KDM4C: variants seen among roughly 807,000 people sequenced by gnomAD.
KDM4C encodes lysine-specific demethylase 4C.
In KDM4C, 81 loss-of-function variants were observed where a neutral mutation model predicts 129.3. The observed-to-expected ratio is 0.63, with a 90% CI of 0.52 to 0.75. The LOEUF is 0.75. Ranked by LOEUF, KDM4C falls within the 30% of genes least tolerant of loss-of-function variation. The pLI, the probability that KDM4C is intolerant of heterozygous loss-of-function variation, is 0.00. For synonymous variants in KDM4C, 573 were observed against 456.1 expected (o/e 1.26, Z -3.26); for missense variants, 1,457 against 1,304.0 (o/e 1.12, Z -1.81).
chr9:6,750,390 G>C (rs1031936624), intron 1 of KDM4C, among the ~76,000 whole-genome samples: 1 of 150,792 alleles, frequency 6.6e-6, no homozygotes, highest in Non-Finnish European at 1.5e-5. Context: ...TGTGAGCCGA[G>C]ATCGTGTCAT....
rs755815590 is a variant in KDM4C at position 6,914,824 on chromosome 9, C to T, written c.921+21592C>T. On this transcript the variant is annotated intron_variant, in intron 8 of 21. Transcript: ENST00000381309. ...ATCTTTGAAGCAGAGCATGGGCCCT[C>T]GCCAGACACCAAATCTGCTGGCACC... Among the ~76,000 whole-genome samples, 3 of 152,358 alleles carry T rather than the reference C, an allele frequency of 2.0e-5. No individual in the cohort carries two copies. In the South Asian group the frequency reaches 6.2e-4, roughly 32 times the overall value.
At chr9:6,727,812 G>T (rs980321605) in intron 1 of KDM4C, among the ~76,000 whole-genome samples, 1 of 148,110 alleles carries the variant, frequency 6.8e-6, no homozygotes, top group Admixed American at 6.9e-5. Flanking sequence ...AGATTTCAGG[G>T]TGTCTTCCAA....
rs752039976 is a variant in KDM4C, at chr9:6,849,498, T to G, written c.436-9T>G. 1.3e-6 allele frequency: 2 copies of G among 1,517,944 alleles called. No individual in the cohort carries two copies. Among genetic ancestry groups the G allele is most frequent in the Admixed American group, 3.9e-5 (2 of 51,642 alleles). The allele number at this position is 1,517,944 out of a possible 1,614,324, so 94.0% of individuals were successfully genotyped here. The stretch of plus-strand genomic sequence containing the variant: ...TGATTTCTCTCTCTTTTTTTCTCTC[T>G]CATTCCAGGGTGTGGATGAATGGAA... On this transcript the variant is annotated splice_polypyrimidine_tract_variant and intron_variant, in intron 4 of 21. Coordinates refer to ENST00000381309, the MANE Select transcript of KDM4C (RefSeq NM_015061.6).
chr9:7,132,867 T>G (rs1337609497), intron 19 of KDM4C, among the ~76,000 whole-genome samples: 2 of 152,190 alleles, frequency 1.3e-5, no homozygotes, highest in Non-Finnish European at 2.9e-5. Flanking sequence ...CCACTGGGCA[T>G]GAGAAGAGAA....
At chr9:6,941,477 A>T (rs1191866682) in intron 8 of KDM4C, 1 of 152,202 alleles carries the variant, frequency 6.6e-6, no homozygotes, top group East Asian at 1.9e-4. Flanking sequence ...TTAAATGAAA[A>T]CAAATTATCA....
chr9:7,061,729 G>A (rs1345341834), intron 17 of KDM4C, among the ~76,000 whole-genome samples: 1 of 152,196 alleles, frequency 6.6e-6, no homozygotes, highest in African/African-American at 2.4e-5. Context: ...CCTCAGCAAT[G>A]GCTAGTGTTC....
chr9:7,068,528 C>T (rs1048577974), intron 17 of KDM4C, among the ~76,000 whole-genome samples: 8 of 152,118 alleles, frequency 5.3e-5, no homozygotes, highest in African/African-American at 1.9e-4. Context: ...AACTCTGCCA[C>T]ATGCTAATTA....
At position 7,069,928 on chromosome 9, in the gene KDM4C, G is replaced by T. The variant is rs117669032; in HGVS notation, c.2424+20728G>T. ...CTACAATATTATTTGAAGATAGATT[G>T]TAATTGGGTATTATAAAGTGTAGTG... On this transcript the variant is annotated intron_variant, in intron 17 of 21. Transcript: ENST00000381309. Among the ~76,000 whole-genome samples the T allele has an allele frequency of 6.0e-4, 91 of 152,336 alleles. 3 individuals carry two copies. The East Asian group carries it at 0.015, about 25-fold the overall frequency.
At chr9:7,134,176 C>G (rs563480511) in intron 19 of KDM4C, among the ~76,000 whole-genome samples, 2 of 152,204 alleles carry the variant, frequency 1.3e-5, no homozygotes, top group Non-Finnish European at 2.9e-5. Flanking sequence ...GCATGGCCCA[C>G]ATGGCCTTTC....
At chr9:7,083,250 T>C (rs1399859869) in intron 17 of KDM4C, among the ~76,000 whole-genome samples, 1 of 152,252 alleles carries the variant, frequency 6.6e-6, no homozygotes, top group Non-Finnish European at 1.5e-5. Context: ...TGGTTGATTG[T>C]TCCTAATCTG....
intron 12 of KDM4C, among the ~76,000 whole-genome samples, chr9:6,992,915 CA>C (rs1819015612): frequency 6.6e-6 from 1 of 152,204 alleles, no homozygotes. Flanking sequence ...AAAGGCTGCA[CA>C]GGGGAAAGTG....
At chr9:6,834,849 T>C (rs1286012323) in intron 4 of KDM4C, 10 of 1,372,330 alleles carry the variant, frequency 7.3e-6, no homozygotes, top group African/African-American at 1.4e-5. Context: ...ACCCCAGCCA[T>C]GTACATGGCC....
At chr9:6,887,885 T>C in intron 6 of KDM4C, 75 bp from the exon 7 acceptor site, 1 of 888,256 alleles carries the variant, frequency 1.1e-6, no homozygotes, top group South Asian at 1.3e-5. Flanking sequence ...ACACTAGAAC[T>C]TACACATTAA....
At chr9:6,996,624 G>A (rs1819797524) in intron 12 of KDM4C, among the ~76,000 whole-genome samples, 1 of 152,152 alleles carries the variant, frequency 6.6e-6, no homozygotes, top group African/African-American at 2.4e-5. Flanking sequence ...AGTGTACAGA[G>A]GACGTCGTGA....
At chr9:6,859,473 C>CAA (rs58056883) in intron 5 of KDM4C, among the ~76,000 whole-genome samples, 113 of 47,684 alleles carry the variant, frequency 2.4e-3, no homozygotes, top group Non-Finnish European at 3.0e-3. Context: ...GACTCTGTCT[C>CAA]AAAAAAAAAA....
intron 4 of KDM4C, among the ~76,000 whole-genome samples, chr9:6,829,825 A>G (rs1217306965): frequency 1.3e-5 from 2 of 152,206 alleles, no homozygotes; most frequent in African/African-American, 4.8e-5. Flanking sequence ...ATCTATTGGA[A>G]GCCCAGTTCC....
intron 17 of KDM4C, among the ~76,000 whole-genome samples, chr9:7,066,197 A>G (rs1832401330): frequency 6.6e-6 from 1 of 152,204 alleles, no homozygotes; most frequent in Non-Finnish European, 1.5e-5. Flanking sequence ...TAATAAATAC[A>G]TACAGAGCTG....
chr9:6,896,219 G>C (rs1470518535), intron 8 of KDM4C, among the ~76,000 whole-genome samples: 1 of 151,826 alleles, frequency 6.6e-6, no homozygotes, highest in African/African-American at 2.4e-5. Flanking sequence ...TGTTCTAAAT[G>C]GTAACTATAA....
intron 6 of KDM4C, among the ~76,000 whole-genome samples, chr9:6,881,690 G>A (rs1303809802): frequency 2.0e-5 from 3 of 152,178 alleles, no homozygotes; most frequent in East Asian, 1.9e-4. Context: ...ATCAGTAAGA[G>A]GTTAATGAAC....
Sources: allele counts gnomAD v4.1 joint callset (sites outside exome capture counted in the v4.1 genomes callset), GRCh38; gene constraint gnomAD v4.1.1; transcripts MANE v1.5; gene names NCBI Gene and HGNC (gene_info 2026-07-23, HGNC 2026-07-21).